The following CCNY variants were observed in gnomAD, a reference collection of about 807,000 sequenced individuals.
CCNY encodes cyclin-Y.
Under a neutral mutation model 42.8 loss-of-function variants are expected in CCNY, and 19 were observed. The ratio of observed to expected loss-of-function variants is 0.44; its 90% CI spans 0.31 to 0.65. CCNY has a LOEUF of 0.65. Among genes scored for constraint, CCNY ranks in the 30% least tolerant of loss-of-function variants. CCNY has a pLI of 0.07. For synonymous variants in CCNY, 165 were observed against 162.7 expected (o/e 1.01, Z -0.11); for missense variants, 370 against 437.3 (o/e 0.85, Z 1.37).
At chr10:35,268,085 C>T (rs989633421) in intron 3 of CCNY, among the ~76,000 whole-genome samples, 10 of 152,010 alleles carry the variant, frequency 6.6e-5, no homozygotes, top group East Asian at 5.8e-4. Context: ...CCACTACACC[C>T]GGCTAATTTT....
At chr10:35,551,090 G>A (rs763365148) in intron 7 of CCNY, among the ~76,000 whole-genome samples, 4 of 152,188 alleles carry the variant, frequency 2.6e-5, no homozygotes, top group Non-Finnish European at 5.9e-5. Flanking sequence ...CTACCTAGCT[G>A]TGCAAGCCGG....
At chr10:35,448,988 G>C (rs937886247) in intron 1 of CCNY, among the ~76,000 whole-genome samples, 23 of 152,006 alleles carry the variant, frequency 1.5e-4, no homozygotes, top group Non-Finnish European at 2.1e-4. Context: ...AGCGAGGGTG[G>C]AGGATGAGTG....
rs117402654 is a variant in CCNY at position 35,438,623 on chromosome 10, G to A, written c.155-44781G>A. On this transcript the variant is annotated intron_variant, in intron 1 of 9. Coordinates refer to ENST00000374704, the MANE Select transcript of CCNY (RefSeq NM_145012.6). ...TACATGTGGGAGCTATGTAATTGTC[G>A]TAAATGTTTCTCCTGTATACATTTA... is the stretch of plus-strand genomic sequence containing the variant. Among the ~76,000 whole-genome samples, 114 of 152,164 alleles carry A rather than the reference G, an allele frequency of 7.5e-4. 3 individuals are homozygous for A. In the East Asian group the frequency reaches 0.021, roughly 28 times the overall value.
intron 4 of CCNY, among the ~76,000 whole-genome samples, chr10:35,524,038 G>A (rs1028597556): frequency 1.8e-4 from 28 of 152,192 alleles, no homozygotes; most frequent in African/African-American, 6.8e-4. Context: ...AGTCATCACA[G>A]CATGACTAGT....
chr10:35,250,222 G>A (rs1477434168), intron 2 of CCNY, among the ~76,000 whole-genome samples: 3 of 149,228 alleles, frequency 2.0e-5, no homozygotes, highest in Admixed American at 1.3e-4. Context: ...AGAAGTAGTC[G>A]GATGTGGTGG....
intron 7 of CCNY, among the ~76,000 whole-genome samples, chr10:35,532,521 AAG>A (rs1840789965): frequency 6.6e-6 from 1 of 152,238 alleles, no homozygotes; most frequent in Admixed American, 6.5e-5. Context: ...TTCCTTTTAA[AAG>A]AGTAACAATA....
intron 1 of CCNY, among the ~76,000 whole-genome samples, chr10:35,467,230 C>T (rs1362998): frequency 0.29 from 43,494 of 152,114 alleles, 6,535 homozygotes; most frequent in Admixed American, 0.35. Flanking sequence ...CTTTACACAT[C>T]TTTTGTTAAA....
chr10:35,368,329 T>C (rs1836853893), intron 1 of CCNY, among the ~76,000 whole-genome samples: 1 of 152,222 alleles, frequency 6.6e-6, no homozygotes, highest in South Asian at 2.1e-4. Flanking sequence ...GAAACTGCTT[T>C]GCACTAAAAT....
At chr10:35,558,056 TATTAGTAAAGGCTATTTA>T (rs1436217210) in intron 8 of CCNY, among the ~76,000 whole-genome samples, 1 of 152,238 alleles carries the variant, frequency 6.6e-6, no homozygotes, top group Non-Finnish European at 1.5e-5. Flanking sequence ...CACAGCCATC[TATTAGTAAAGGCTATTTA>T]AATGAGCCTA....
At chr10:35,480,352 C>T (rs1326081105) in intron 1 of CCNY, among the ~76,000 whole-genome samples, 1 of 152,180 alleles carries the variant, frequency 6.6e-6, no homozygotes, top group Non-Finnish European at 1.5e-5. Flanking sequence ...GCTTCCCCCA[C>T]AGAGAACAAG....
intron 3 of CCNY, among the ~76,000 whole-genome samples, chr10:35,512,656 T>C (rs891928481): frequency 5.9e-5 from 9 of 152,150 alleles, no homozygotes; most frequent in African/African-American, 2.2e-4. Flanking sequence ...TAATTAGTTC[T>C]GGCCTGAAGA....
chr10:35,325,857 T>A (rs1835874001), intron 3 of CCNY, among the ~76,000 whole-genome samples: 1 of 151,890 alleles, frequency 6.6e-6, no homozygotes. Context: ...GACAGGAGGA[T>A]CTCTTGTGGT....
At chr10:35,351,868 G>C (rs1357887552) in intron 1 of CCNY, among the ~76,000 whole-genome samples, 1 of 152,152 alleles carries the variant, frequency 6.6e-6, no homozygotes, top group Non-Finnish European at 1.5e-5. Context: ...TGCTCCTCCT[G>C]AATGTCTTCA....
chr10:35,473,262 G>A (rs542108768), intron 1 of CCNY, among the ~76,000 whole-genome samples: 5 of 152,224 alleles, frequency 3.3e-5, no homozygotes, highest in African/African-American at 1.2e-4. Flanking sequence ...CACCTGCCTC[G>A]TGGCAGAGCT....
chr10:35,495,000 A>C (rs57576628), intron 2 of CCNY, among the ~76,000 whole-genome samples: 7,566 of 152,300 alleles, frequency 0.05, 539 homozygotes, highest in African/African-American at 0.16. Context: ...CCTGATGTTC[A>C]AAGGAAATAC....
At chr10:35,306,858 G>T (rs1156497753) in intron 3 of CCNY, among the ~76,000 whole-genome samples, 5 of 152,170 alleles carry the variant, frequency 3.3e-5, no homozygotes, top group African/African-American at 1.2e-4. Context: ...GGGGCCAGGA[G>T]GATGGCAGGA....
chr10:35,407,821 C>T (rs531517062), intron 1 of CCNY, among the ~76,000 whole-genome samples: 2 of 152,114 alleles, frequency 1.3e-5, no homozygotes, highest in East Asian at 1.9e-4. Flanking sequence ...CAGGCGTCTC[C>T]GCACTTGACT....
intron 3 of CCNY, among the ~76,000 whole-genome samples, chr10:35,312,311 G>A (rs1835695079): frequency 6.9e-6 from 1 of 145,966 alleles, no homozygotes; most frequent in African/African-American, 2.5e-5. Context: ...AGCCCAGGAG[G>A]CGGAGCTTGC....
In CCNY at chr10:35,320,373, G is replaced by A. The variant is rs994532320; in HGVS notation, c.-9+69747G>A. On this transcript the variant is annotated intron_variant, in intron 3 of 11. Transcript: ENST00000374706. ...AGAACAAAGGAGAAAAACCATATAT[G>A]ATTCTCTTATTAGATGCAGAAAAAT... Among the ~76,000 whole-genome samples, 9 of 152,258 alleles carry A rather than the reference G, an allele frequency of 5.9e-5. No homozygotes were observed. The East Asian group carries it at 1.7e-3, about 29-fold the overall frequency.
Sources: allele counts gnomAD v4.1 joint callset (sites outside exome capture counted in the v4.1 genomes callset), GRCh38; gene constraint gnomAD v4.1.1; transcripts MANE v1.5; gene names NCBI Gene and HGNC (gene_info 2026-07-23, HGNC 2026-07-21).